PPP1R9A: variants seen among roughly 807,000 people sequenced by gnomAD.
PPP1R9A encodes the protein neurabin-1.
PPP1R9A carries 59 observed loss-of-function variants against 141.9 expected under a neutral mutation model. The ratio of observed to expected loss-of-function variants is 0.42; its 90% CI spans 0.34 to 0.52. The LOEUF (loss-of-function observed/expected upper bound fraction) is 0.52, where lower values mean the gene tolerates loss of function less well. PPP1R9A is among the 20% of genes least tolerant of loss of function. PPP1R9A has a pLI of 0.10. For synonymous variants in PPP1R9A, 500 were observed against 569.7 expected (o/e 0.88, Z 1.74); for missense variants, 1,444 against 1,611.9 (o/e 0.90, Z 1.78).
chr7:94,938,023 A>G (rs556908513), intron 2 of PPP1R9A, among the ~76,000 whole-genome samples: 8 of 152,208 alleles, frequency 5.3e-5, no homozygotes, highest in Non-Finnish European at 7.4e-5. Context: ...ATAGTTTTCT[A>G]TATCAGTGGG....
intron 7 of PPP1R9A, among the ~76,000 whole-genome samples, chr7:95,213,800 C>T (rs558726823): frequency 2.6e-5 from 4 of 152,210 alleles, no homozygotes; most frequent in Admixed American, 6.5e-5. Context: ...CAGCTGAACT[C>T]TATTCTTTTT....
chr7:95,063,918 T>C (rs1276464069), intron 2 of PPP1R9A, among the ~76,000 whole-genome samples: 1 of 152,192 alleles, frequency 6.6e-6, no homozygotes, highest in Non-Finnish European at 1.5e-5. Flanking sequence ...TGGGGGCAGG[T>C]TTTACCATGT....
chr7:95,115,389 CATT>C (rs10563449), intron 3 of PPP1R9A, among the ~76,000 whole-genome samples: 3,005 of 152,076 alleles, frequency 0.02, 96 homozygotes, highest in African/African-American at 0.068. Context: ...ACAGATAAAA[CATT>C]AAAATGTCAT....
intron 7 of PPP1R9A, among the ~76,000 whole-genome samples, chr7:95,223,556 A>G (rs188201047): frequency 1.2e-3 from 179 of 152,128 alleles, no homozygotes; most frequent in Non-Finnish European, 2.0e-3. Context: ...AGATCCTGTT[A>G]TATGTCAGGT....
intron 2 of PPP1R9A, among the ~76,000 whole-genome samples, chr7:94,964,356 A>G (rs905753547): frequency 6.6e-6 from 1 of 152,142 alleles, no homozygotes; most frequent in African/African-American, 2.4e-5. Flanking sequence ...TTTTAAATTT[A>G]TACTTTAAGT....
At chr7:95,050,187 A>G (rs367780427) in intron 2 of PPP1R9A, among the ~76,000 whole-genome samples, 3 of 152,296 alleles carry the variant, frequency 2.0e-5, no homozygotes, top group South Asian at 4.1e-4. Context: ...ATTCTAATAC[A>G]TGTAGTGGGT....
rs200230609 is a variant in PPP1R9A at position 95,104,095 on chromosome 7, G to A, written c.1396-7164G>A. Among the ~76,000 whole-genome samples, 12 of 152,306 alleles carry A rather than the reference G, an allele frequency of 7.9e-5. No individual in the cohort carries two copies. The East Asian group carries it at 1.5e-3, about 20-fold the overall frequency. On this transcript the variant is annotated intron_variant, in intron 2 of 19. Coordinates refer to ENST00000433360, the MANE Select transcript of PPP1R9A (RefSeq NM_001166160.2). ...AAGACAATGTATTAACGTTAAGTATGCTACAAATAATTGGTGAAATGAATG... is the reference window on the plus strand; with the variant it reads ...AAGACAATGTATTAACGTTAAGTATACTACAAATAATTGGTGAAATGAATG...
At chr7:95,260,807 T>A (rs1440437354) in intron 12 of PPP1R9A, among the ~76,000 whole-genome samples, 2 of 152,196 alleles carry the variant, frequency 1.3e-5, no homozygotes, top group Admixed American at 1.3e-4. Flanking sequence ...GAATTTTACT[T>A]GCTTTTAATA....
chr7:95,061,803 G>A (rs1483839456), intron 2 of PPP1R9A, among the ~76,000 whole-genome samples: 2 of 152,044 alleles, frequency 1.3e-5, no homozygotes, highest in African/African-American at 2.4e-5. Flanking sequence ...ACTAATGTTA[G>A]TCTTACCCAA....
chr7:95,100,415 C>T (rs1818607451), intron 2 of PPP1R9A, among the ~76,000 whole-genome samples: 1 of 152,054 alleles, frequency 6.6e-6, no homozygotes. Flanking sequence ...CAATTTACTC[C>T]AAATAATATA....
intron 3 of PPP1R9A, among the ~76,000 whole-genome samples, chr7:95,115,930 A>AAAAG (rs1440246802): frequency 6.6e-6 from 1 of 151,698 alleles, no homozygotes. Context: ...AAAAAAAAAA[A>AAAAG]AAAGAAAGAA....
chr7:95,079,162 G>C (rs1462537352), intron 2 of PPP1R9A, among the ~76,000 whole-genome samples: 1 of 152,116 alleles, frequency 6.6e-6, no homozygotes, highest in Non-Finnish European at 1.5e-5. Context: ...TTTTGTATAA[G>C]GTGTAAGGAA....
Position 94,910,324 on chromosome 7 carries a change from A to T in PPP1R9A, c.211A>T (p.Met71Leu). Residue 71 changes from methionine (M) to leucine (L), a missense_variant, in exon 2 of 20, where the codon ATG becomes TTG. By Grantham distance (15) the Met-to-Leu change is conservative. This residue lies in a region of PPP1R9A where 490 missense variants were observed against 521.1 expected (regional missense o/e 0.94). Coordinates refer to ENST00000433360, the MANE Select transcript of PPP1R9A (RefSeq NM_001166160.2). This position sits in a 1 kb window ranked among gnomAD's most constrained non-coding sequence, Gnocchi z 4.5. ...SNVNRIKNLFMQMGMEPNENA... is the reference protein window; with the variant it reads ...SNVNRIKNLFLQMGMEPNENA... ...TGTCAACAGAATTAAAAACCTATTT[A>T]TGCAGATGGGTATGGAACCCAACGA... 1 of 1,614,072 alleles carries T rather than the reference A, an allele frequency of 6.2e-7. No homozygotes were observed. The highest frequency in any genetic ancestry group is 8.5e-7 in the Non-Finnish European group (1 of 1,179,988).
chr7:94,930,147 G>A (rs942985501), intron 2 of PPP1R9A, among the ~76,000 whole-genome samples: 1 of 152,274 alleles, frequency 6.6e-6, no homozygotes, highest in Non-Finnish European at 1.5e-5. Context: ...TTAGATCCAG[G>A]TATATATGTC....
chr7:94,971,074 C>G (rs958627950), intron 2 of PPP1R9A, among the ~76,000 whole-genome samples: 3 of 151,860 alleles, frequency 2.0e-5, no homozygotes, highest in African/African-American at 7.3e-5. Context: ...CAGATGAGCT[C>G]AGAGTCTAGT....
intron 4 of PPP1R9A, among the ~76,000 whole-genome samples, chr7:95,151,970 T>A (rs1828771409): frequency 7.8e-6 from 1 of 129,006 alleles, no homozygotes; most frequent in Non-Finnish European, 1.6e-5. Context: ...TTTTTTTTTT[T>A]GAGACTGTGT....
At position 95,296,069 on chromosome 7, in the gene PPP1R9A, A is replaced by G. The variant is rs1297364197; in HGVS notation, c.*5766A>G. On this transcript the variant is annotated 3_prime_UTR_variant, in exon 20 of 20. Coordinates refer to ENST00000433360, the MANE Select transcript of PPP1R9A (RefSeq NM_001166160.2). ...CACGAATTGTTTGAAAATAATTTTA[A>G]GTCTGATAAGTATGGATAGCATGTT... 1 of 152,640 alleles carries G rather than the reference A, an allele frequency of 6.6e-6. No homozygotes were observed. The highest frequency in any genetic ancestry group is 1.5e-5 in the Non-Finnish European group (1 of 68,024). 9.5% of individuals were successfully genotyped at this position (152,640 alleles called of 1,614,324 possible). A position where few individuals can be genotyped will look rare whatever the true frequency, so the allele number is the denominator to read the frequency against.
intron 2 of PPP1R9A, among the ~76,000 whole-genome samples, chr7:95,048,324 A>G (rs1217340419): frequency 6.6e-6 from 1 of 152,192 alleles, no homozygotes; most frequent in Non-Finnish European, 1.5e-5. Flanking sequence ...AAACAGGATC[A>G]GATCATACTT....
chr7:95,026,864 C>T (rs764426330), intron 2 of PPP1R9A, among the ~76,000 whole-genome samples: 1 of 152,156 alleles, frequency 6.6e-6, no homozygotes, highest in Non-Finnish European at 1.5e-5. Flanking sequence ...GGAACTTCCC[C>T]TCTGCTTTGT....
Sources: allele counts gnomAD v4.1 joint callset (sites outside exome capture counted in the v4.1 genomes callset), GRCh38; gene constraint gnomAD v4.1.1; regional missense constraint gnomAD v4.1.1; non-coding constraint Gnocchi (gnomAD v3.1); transcripts MANE v1.5; gene names NCBI Gene and HGNC (gene_info 2026-07-23, HGNC 2026-07-21).